The following RTN4 variants were observed in gnomAD, a reference collection of about 807,000 sequenced individuals.
The protein encoded by RTN4 is reticulon-4.
In RTN4, 32 loss-of-function variants were observed where a neutral mutation model predicts 90.4. The ratio of observed to expected loss-of-function variants is 0.35; its 90% CI spans 0.27 to 0.48. RTN4 has a LOEUF of 0.48. RTN4 is among the 20% of genes least tolerant of loss of function. RTN4 has a pLI of 0.99. For synonymous variants in RTN4, 629 were observed against 552.5 expected (o/e 1.14, Z -1.94); for missense variants, 1,706 against 1,430.2 (o/e 1.19, Z -3.11).
chr2:54,996,415 C>A (rs1679431170), intron 3 of RTN4, among the ~76,000 whole-genome samples: 1 of 152,112 alleles, frequency 6.6e-6, no homozygotes, highest in South Asian at 2.1e-4. Flanking sequence ...TTGGAGGACT[C>A]GAACCTCCCT....
chr2:55,049,630 G>T (rs969772855), intron 1 of RTN4, 115 bp downstream of exon 1: 1 of 1,499,980 alleles, frequency 6.7e-7, no homozygotes, highest in Non-Finnish European at 9.0e-7. Flanking sequence ...CCCGAAGTCC[G>T]CAGACAAAGC....
intron 3 of RTN4, among the ~76,000 whole-genome samples, chr2:55,022,839 C>T (rs1355716811): frequency 6.6e-6 from 1 of 151,436 alleles, no homozygotes; most frequent in Non-Finnish European, 1.5e-5. Flanking sequence ...TGGCCTAACA[C>T]TGGCCATTAT....
chr2:54,977,013 A>G (rs1677690734), intron 5 of RTN4, among the ~76,000 whole-genome samples: 1 of 152,244 alleles, frequency 6.6e-6, no homozygotes, highest in Admixed American at 6.5e-5. Flanking sequence ...CCAGGGCAAT[A>G]AGAGAATTAA....
At chr2:55,058,874 T>TA (rs1385320792) in intron 2 of RTN4, among the ~76,000 whole-genome samples, 1 of 151,972 alleles carries the variant, frequency 6.6e-6, no homozygotes, top group Non-Finnish European at 1.5e-5. Flanking sequence ...TAATTTTTTT[T>TA]TTAAATTATA....
At chr2:55,085,710 G>GAA (rs1416896736) in intron 1 of RTN4, among the ~76,000 whole-genome samples, 2 of 152,008 alleles carry the variant, frequency 1.3e-5, no homozygotes, top group Non-Finnish European at 2.9e-5. Context: ...AATCTACATA[G>GAA]AAAAAAATGA....
Position 54,972,953 on chromosome 2 carries a change from T to C in RTN4, c.*203A>G. 2.1e-6 allele frequency: 1 copy of C among 472,324 alleles called. No homozygotes were observed. The highest frequency in any genetic ancestry group is 5.0e-5 in the South Asian group (1 of 20,078). The allele number at this position is 472,324 out of a possible 1,614,324, so 29.3% of individuals were successfully genotyped here. A position where few individuals can be genotyped will look rare whatever the true frequency, so the allele number is the denominator to read the frequency against. ...ACGGTTTAAATCCATACATAGCAGC[T>C]TACAATACTTAAGATGATGAACACA... On this transcript the variant is annotated 3_prime_UTR_variant, in exon 9 of 9. Coordinates refer to ENST00000337526, the MANE Select transcript of RTN4 (RefSeq NM_020532.5).
At chr2:55,055,756 C>G (rs1204478365), upstream of RTN4, among the ~76,000 whole-genome samples, 1 of 147,254 alleles carries the variant, frequency 6.8e-6, no homozygotes, top group Non-Finnish European at 1.5e-5. Flanking sequence ...GGCAACAGAG[C>G]GAGACTCCGT....
intron 3 of RTN4, among the ~76,000 whole-genome samples, chr2:55,019,448 G>T (rs1681273749): frequency 6.6e-6 from 1 of 152,184 alleles, no homozygotes; most frequent in South Asian, 2.1e-4. Flanking sequence ...AAGGAAATCA[G>T]AGCTCATCTT....
chr2:55,087,381 TG>T lies in RTN4; in HGVS notation c.-213-6743del, dbSNP rs1668860676. 2.0e-5 allele frequency among the ~76,000 whole-genome samples: 3 copies of T among 152,230 alleles called. No homozygotes were observed. The South Asian group carries it at 6.2e-4, about 31-fold the overall frequency. On this transcript the variant is annotated intron_variant, in intron 1 of 3. Transcript: ENST00000427710. ...TCCACTCATTAGCTTTTATCATTGT[TG>T]TTTTTAATGTTATACTTTTACAACA...
chr2:55,046,500 C>A (rs1667740374), intron 1 of RTN4, among the ~76,000 whole-genome samples: 1 of 152,158 alleles, frequency 6.6e-6, no homozygotes, highest in African/African-American at 2.4e-5. Flanking sequence ...ACCTTCTAAG[C>A]CTGTCTTAGT....
At chr2:55,022,945 C>A (rs199888688) in intron 3 of RTN4, among the ~76,000 whole-genome samples, 2 of 120,802 alleles carry the variant, frequency 1.7e-5, no homozygotes, top group East Asian at 5.5e-4. Flanking sequence ...CTCTCCCGCA[C>A]ATGCATTCTT....
intron 1 of RTN4, among the ~76,000 whole-genome samples, chr2:55,108,225 G>C (rs1160555751): frequency 6.6e-6 from 1 of 152,142 alleles, no homozygotes; most frequent in Non-Finnish European, 1.5e-5. Context: ...AAAGTGCTGT[G>C]ATTACAGGCG....
At chr2:55,003,030 T>A (rs1045787119) in intron 3 of RTN4, among the ~76,000 whole-genome samples, 1 of 152,232 alleles carries the variant, frequency 6.6e-6, no homozygotes, top group Non-Finnish European at 1.5e-5. Context: ...CTGAGGTTAC[T>A]GCTCAAAACC....
chr2:55,117,544 G>T (rs184583334), upstream of RTN4, among the ~76,000 whole-genome samples: 1 of 152,192 alleles, frequency 6.6e-6, no homozygotes, highest in Non-Finnish European at 1.5e-5. Flanking sequence ...AATTTTAAAG[G>T]AGAATCTATG....
chr2:55,010,090 T>G, intron 3 of RTN4: 2 of 1,613,626 alleles, frequency 1.2e-6, no homozygotes, highest in East Asian at 4.5e-5. Flanking sequence ...GATATACCCT[T>G]GTCCTTCCAA....
chr2:54,981,579 G>A (rs1678131849), intron 5 of RTN4, among the ~76,000 whole-genome samples: 2 of 152,170 alleles, frequency 1.3e-5, no homozygotes, highest in Non-Finnish European at 2.9e-5. Flanking sequence ...AAGCACTACA[G>A]GTCCAGTGCT....
chr2:55,104,039 T>C (rs2105059484), intron 1 of RTN4, among the ~76,000 whole-genome samples: 1 of 151,820 alleles, frequency 6.6e-6, no homozygotes, highest in South Asian at 2.1e-4. Flanking sequence ...ATAAAGTGTT[T>C]TTTGTTCTTT....
intron 3 of RTN4, among the ~76,000 whole-genome samples, chr2:54,990,004 CTT>C (rs879760111): frequency 3.3e-5 from 5 of 152,100 alleles, no homozygotes; most frequent in African/African-American, 4.8e-5. Context: ...ACAACGGTGA[CTT>C]AATACACACA....
chr2:55,032,655 C>T (rs2104899088), intron 1 of RTN4, among the ~76,000 whole-genome samples: 1 of 151,822 alleles, frequency 6.6e-6, no homozygotes, highest in Non-Finnish European at 1.5e-5. Flanking sequence ...GGGAAAAGGG[C>T]AAGTGAAAAA....
Sources: gnomAD v4.1 joint callset for allele counts (sites outside exome capture counted in the v4.1 genomes callset) on GRCh38, gnomAD v4.1.1 for gene constraint, MANE v1.5 for transcripts, NCBI Gene and HGNC (gene_info 2026-07-23, HGNC 2026-07-21) for gene names.